Variants in MYO9B observed in about 807,000 individuals in gnomAD.
MYO9B encodes myosin IXB.
A neutral mutation model predicts 229.5 loss-of-function variants in MYO9B; 71 were observed. That is an observed-to-expected ratio of 0.31 (90% confidence interval 0.26 to 0.38). The LOEUF (loss-of-function observed/expected upper bound fraction) is 0.38. Ranked by LOEUF, MYO9B falls within the 10% of genes least tolerant of loss-of-function variation. MYO9B has a pLI of 1.00. For missense variants in MYO9B, 2,255 were observed against 2,920.5 expected (o/e 0.77, Z 5.25); for synonymous variants, 1,185 against 1,235.8 (o/e 0.96, Z 0.86).
intron 16 of MYO9B, chr19:17,184,088 C>A (rs766436015): frequency 1.8e-6 from 1 of 570,990 alleles, no homozygotes; most frequent in Non-Finnish European, 3.1e-6. Flanking sequence ...GCACACACAG[C>A]GGCTTATGGA....
At chr19:17,197,900 A>G (rs770491663) in intron 23 of MYO9B, 42 bp downstream of exon 23, 19 of 1,606,608 alleles carry the variant, frequency 1.2e-5, no homozygotes, top group Non-Finnish European at 1.6e-5. Context: ...CTAAAAATAC[A>G]AAAATCAGCC....
chr19:17,161,285 C>T (rs537830040), intron 8 of MYO9B, among the ~76,000 whole-genome samples: 2 of 151,986 alleles, frequency 1.3e-5, no homozygotes, highest in Non-Finnish European at 2.9e-5. Flanking sequence ...AAGGCTTCAG[C>T]GGCCGTTCCA....
chr19:17,121,452 T>C (rs1340408569), intron 2 of MYO9B, among the ~76,000 whole-genome samples: 3 of 150,968 alleles, frequency 2.0e-5, no homozygotes, highest in East Asian at 1.9e-4. Flanking sequence ...CAAATATATA[T>C]ATATATATAT....
intron 3 of MYO9B, 67 bp downstream of exon 3, chr19:17,145,558 C>A: frequency 7.6e-7 from 1 of 1,309,042 alleles, no homozygotes; most frequent in Non-Finnish European, 1.1e-6. Context: ...CTGACACACA[C>A]ATGGGAGTGA....
intron 2 of MYO9B, among the ~76,000 whole-genome samples, chr19:17,107,894 A>G (rs914835325): frequency 2.6e-5 from 4 of 152,006 alleles, no homozygotes; most frequent in Admixed American, 2.0e-4. Context: ...GAGGATGTGG[A>G]TATAATTTTG....
At chr19:17,081,703 G>T (rs1175726390) in intron 1 of MYO9B, among the ~76,000 whole-genome samples, 1 of 151,872 alleles carries the variant, frequency 6.6e-6, no homozygotes, top group East Asian at 1.9e-4. Context: ...CAGCTGCTTG[G>T]GTGGCTGAGG....
chr19:17,164,318 T>C (rs2072636111), intron 10 of MYO9B, among the ~76,000 whole-genome samples: 1 of 152,114 alleles, frequency 6.6e-6, no homozygotes, highest in Non-Finnish European at 1.5e-5. Context: ...TTTTTGTTAG[T>C]TGAGAAACAG....
chr19:17,110,215 A>G (rs1397202436), intron 2 of MYO9B, among the ~76,000 whole-genome samples: 1 of 152,132 alleles, frequency 6.6e-6, no homozygotes, highest in African/African-American at 2.4e-5. Flanking sequence ...CTCGCTGTGT[A>G]ATGCTGACCA....
chr19:17,195,242 C>T lies in MYO9B; in HGVS notation c.3815C>T (p.Pro1272Leu). ...GCCCCTGGCAGCGCCCCCGAGACCC[C>T]CGAGGACAAGAGCAAACCATGTGGC... ...PPAPGSAPET[P>L]EDKSKPCGSP... The change falls in exon 22 of 40, where the codon CCC becomes CTC. Residue 1272 changes from proline (P) to leucine (L), a missense_variant. Around this residue, in one of 7 missense-constraint regions of MYO9B, gnomAD observed 679 missense variants for 770.2 expected, o/e 0.88. Transcript: ENST00000682292. This position sits in a 1 kb window ranked among gnomAD's most constrained non-coding sequence, Gnocchi z 4.5. 6.2e-7 allele frequency: 1 copy of T among 1,612,380 alleles called. No homozygotes were observed. The highest frequency in any genetic ancestry group is 8.5e-7 in the Non-Finnish European group (1 of 1,179,646).
chr19:17,170,638 C>A (rs146734736), intron 11 of MYO9B, among the ~76,000 whole-genome samples: 5,625 of 104,032 alleles, frequency 0.054, 163 homozygotes, highest in Non-Finnish European at 0.073. Context: ...TAGTGAGACC[C>A]CATCTCTACA....
At chr19:17,159,373 C>G in intron 7 of MYO9B, 22 bp from the exon 8 acceptor site, 1 of 1,581,074 alleles carries the variant, frequency 6.3e-7, no homozygotes, top group Non-Finnish European at 8.6e-7. Context: ...TTTCCTTCTC[C>G]CTCTCCTTGA....
intron 2 of MYO9B, among the ~76,000 whole-genome samples, chr19:17,128,491 G>C (rs1042514769): frequency 6.6e-6 from 1 of 152,246 alleles, no homozygotes; most frequent in Non-Finnish European, 1.5e-5. Flanking sequence ...CCCCATGGCT[G>C]TTTGCTTGGC....
intron 1 of MYO9B, among the ~76,000 whole-genome samples, chr19:17,080,417 C>T (rs1279324088): frequency 1.3e-5 from 2 of 152,170 alleles, no homozygotes; most frequent in African/African-American, 4.8e-5. Context: ...CCACGCCTCT[C>T]TCTGTTGGCT....
At position 17,101,646 on chromosome 19, in the gene MYO9B, G is replaced by A; in HGVS notation, c.-58-14G>A. ...CACCATTCTGACCATGCCTGGCTCT[G>A]ACCTCCCTTCTAGCTCCAGGACACG... On this transcript the variant is annotated splice_polypyrimidine_tract_variant and intron_variant, in intron 1 of 39. Transcript: ENST00000682292. This position sits in a 1 kb window ranked among gnomAD's most constrained non-coding sequence, Gnocchi z 4.7. The A allele has an allele frequency of 6.8e-7, 1 of 1,469,820 alleles. No homozygotes were observed. The highest frequency in any genetic ancestry group is 9.0e-7 in the Non-Finnish European group (1 of 1,114,414). The allele number at this position is 1,469,820 out of a possible 1,614,324, so 91.0% of individuals were successfully genotyped here. A position where few individuals can be genotyped will look rare whatever the true frequency, so the allele number is the denominator to read the frequency against.
chr19:17,195,294 C>T lies in MYO9B; in HGVS notation c.3867C>T (p.Asp1289=). The change falls in exon 22 of 40, where the codon GAC becomes GAT. Residue 1289 remains aspartate, a synonymous_variant. Coordinates refer to ENST00000682292, the MANE Select transcript of MYO9B (RefSeq NM_004145.4). This position sits in a 1 kb window ranked among gnomAD's most constrained non-coding sequence, Gnocchi z 4.5. ...GCCCAAGGGTTCAGGAAAAGCCCGA[C>T]AGCCCCGGAGGCTCCACGCAGATCC... The part of the protein sequence containing the change: ...CGSPRVQEKP[D]SPGGSTQIQR... 6.2e-7 allele frequency: 1 copy of T among 1,612,580 alleles called. No individual in the cohort carries two copies. Among genetic ancestry groups the T allele is most frequent in the Admixed American group, 1.7e-5 (1 of 60,014 alleles).
intron 1 of MYO9B, among the ~76,000 whole-genome samples, chr19:17,078,296 C>T (rs1409011184): frequency 6.6e-6 from 1 of 152,160 alleles, no homozygotes; most frequent in Non-Finnish European, 1.5e-5. Flanking sequence ...CCTGTAATCC[C>T]TTTGGGAGGC....
In MYO9B at chr19:17,118,482, A is replaced by T. The variant is rs137988539; in HGVS notation, c.840+15925A>T. Among the ~76,000 whole-genome samples the T allele has an allele frequency of 2.0e-3, 308 of 151,620 alleles. 1 individual carries two copies. The highest frequency in any genetic ancestry group is 0.017 in the Middle Eastern group (5 of 294). ...AATGAATTTATTTATTTATTTATTT[A>T]TTTATTTTTATTTTTTTGAGACAGA... On this transcript the variant is annotated intron_variant, in intron 2 of 39. Coordinates refer to ENST00000682292, the MANE Select transcript of MYO9B (RefSeq NM_004145.4).
rs534850014 is a variant in MYO9B, at chr19:17,212,091, G to A, written c.6255G>A (p.Pro2085=). 89 of 1,591,114 alleles carry A rather than the reference G, an allele frequency of 5.6e-5. 1 individual carries two copies. The South Asian group carries it at 7.5e-4, about 13-fold the overall frequency. Residue 2085 remains proline, a synonymous_variant, in exon 40 of 40, where the codon CCG becomes CCA. Transcript: ENST00000682292. The surrounding 1 kb of genome is among the most constrained non-coding windows in gnomAD (Gnocchi z 5.4). ...CCTCCCACCTGCCTCGCTGGGCACC[G>A]GGTGCCCGGGAGGCGGCTGCCCCAG... ...GLPSHLPRWA[P]GAREAAAPVR...
chr19:17,076,051 T>G, intron 1 of MYO9B, among the ~76,000 whole-genome samples, 177 bp downstream of exon 1: 1 of 142,716 alleles, frequency 7.0e-6, no homozygotes, highest in African/African-American at 2.7e-5. Flanking sequence ...AGCGAGACGG[T>G]GAAGGAGAAA....
Sources: gnomAD v4.1 joint callset for allele counts (sites outside exome capture counted in the v4.1 genomes callset) on GRCh38, gnomAD v4.1.1 for gene constraint, gnomAD v4.1.1 regional missense constraint, Gnocchi (gnomAD v3.1) non-coding constraint, MANE v1.5 for transcripts, NCBI Gene and HGNC (gene_info 2026-07-23, HGNC 2026-07-21) for gene names.